ATE1: variants seen among roughly 807,000 people sequenced by gnomAD.
The protein encoded by ATE1 is arginyl-tRNA--protein transferase 1.
Under a neutral mutation model 70.5 loss-of-function variants are expected in ATE1, and 36 were observed. The ratio of observed to expected loss-of-function variants is 0.51; its 90% CI spans 0.39 to 0.67. The LOEUF is 0.67. Ranked by LOEUF, ATE1 falls within the 30% of genes least tolerant of loss-of-function variation. The pLI is 0.00. For missense variants in ATE1, 593 were observed against 629.5 expected, an observed-to-expected ratio of 0.94 and a Z score of 0.62; for synonymous variants, 232 against 219.3, an observed-to-expected ratio of 1.06 and a Z score of -0.51.
At chr10:121,891,244 C>T (rs1298754625) in intron 7 of ATE1, among the ~76,000 whole-genome samples, 3 of 152,054 alleles carry the variant, frequency 2.0e-5, no homozygotes, top group Admixed American at 1.3e-4. Context: ...TTGGGTTGAT[C>T]GGGTATGCCA....
intron 3 of ATE1, 45 bp downstream of exon 3, chr10:121,922,304 A>T (rs1261224517): frequency 1.5e-6 from 2 of 1,328,198 alleles, no homozygotes; most frequent in Admixed American, 3.9e-5. Flanking sequence ...TATTATACAC[A>T]ATCTTCATAC....
At chr10:121,801,561 GAGAA>G (rs1946880122) in intron 10 of ATE1, among the ~76,000 whole-genome samples, 1 of 152,042 alleles carries the variant, frequency 6.6e-6, no homozygotes, top group Non-Finnish European at 1.5e-5. Flanking sequence ...AATATAAAGA[GAGAA>G]AGAAAAACTC....
In ATE1 at chr10:121,818,455, C is replaced by G. The variant is rs560668267; in HGVS notation, c.1257+18263G>C. ...ATTTTATAGCAATTTTTAAAACACT[C>G]TCCAAAAAAAGCAATTTAGAGCAAC... On this transcript the variant is annotated intron_variant, in intron 10 of 11. Coordinates refer to ENST00000224652, the MANE Select transcript of ATE1 (RefSeq NM_001001976.3). 4.6e-5 allele frequency among the ~76,000 whole-genome samples: 7 copies of G among 152,158 alleles called. No individual in the cohort carries two copies. The East Asian group carries it at 1.4e-3, about 29-fold the overall frequency.
Position 121,761,677 on chromosome 10 carries a change from C to T in ATE1, c.1379-17819G>A, listed in dbSNP as rs146491688. ...GGTGCTCTAATCTCTGAAGAGGATC[C>T]CCTTTCCGACCTCCCTAGCCCTGCC... On this transcript the variant is annotated intron_variant, in intron 11 of 11. Coordinates refer to ENST00000224652, the MANE Select transcript of ATE1 (RefSeq NM_001001976.3). Among the ~76,000 whole-genome samples, 200 of 152,186 alleles carry T rather than the reference C, an allele frequency of 1.3e-3. 2 individuals are homozygous for T. The East Asian group carries it at 0.031, about 24-fold the overall frequency.
rs529419194 is a variant in ATE1 at position 121,775,711 on chromosome 10, C to T, written c.1378+14458G>A. ...CCGCCAGCATTAAGAAAGTGGGTCC[C>T]TCCACTGACGGTATCTAGGGTAGTA... is the stretch of plus-strand genomic sequence containing the variant. On this transcript the variant is annotated intron_variant, in intron 11 of 11. Coordinates refer to ENST00000224652, the MANE Select transcript of ATE1 (RefSeq NM_001001976.3). Among the ~76,000 whole-genome samples, 13 of 152,326 alleles carry T rather than the reference C, an allele frequency of 8.5e-5. No individual in the cohort carries two copies. The South Asian group carries it at 2.7e-3, about 32-fold the overall frequency.
At chr10:121,916,227 G>A (rs1590720098) in intron 3 of ATE1, among the ~76,000 whole-genome samples, 1 of 151,498 alleles carries the variant, frequency 6.6e-6, no homozygotes, top group South Asian at 2.1e-4. Flanking sequence ...ACTCTGCCTC[G>A]AAAAACAAAA....
At chr10:121,750,819 G>T (rs1360409851) in intron 11 of ATE1, among the ~76,000 whole-genome samples, 1 of 152,156 alleles carries the variant, frequency 6.6e-6, no homozygotes, top group Non-Finnish European at 1.5e-5. Flanking sequence ...GGAGATAGCT[G>T]GACAAAACTG....
intron 7 of ATE1, among the ~76,000 whole-genome samples, chr10:121,887,332 A>T (rs1381977108): frequency 2.0e-5 from 3 of 152,192 alleles, no homozygotes; most frequent in African/African-American, 7.2e-5. Context: ...AATATAAGAT[A>T]ACTATCCTCA....
intron 11 of ATE1, among the ~76,000 whole-genome samples, chr10:121,764,622 T>G (rs536635050): frequency 2.0e-5 from 3 of 152,204 alleles, no homozygotes; most frequent in Non-Finnish European, 2.9e-5. Context: ...ATAAATTGTA[T>G]GTCTAAATAG....
intron 10 of ATE1, among the ~76,000 whole-genome samples, chr10:121,801,765 C>A (rs1052903692): frequency 3.3e-5 from 5 of 152,036 alleles, no homozygotes; most frequent in African/African-American, 1.2e-4. Flanking sequence ...GCTGAGGCCA[C>A]CCTCACCTAG....
intron 11 of ATE1, among the ~76,000 whole-genome samples, chr10:121,788,437 G>C (rs1946301156): frequency 6.6e-6 from 1 of 152,140 alleles, no homozygotes; most frequent in East Asian, 1.9e-4. Flanking sequence ...CTCGTCATCA[G>C]GTTCTAAGGT....
In ATE1 at chr10:121,745,450, C is replaced by T. The variant is rs147130180; in HGVS notation, c.1379-1592G>A. 3.1e-4 allele frequency among the ~76,000 whole-genome samples: 47 copies of T among 152,334 alleles called. No homozygotes were observed. In the East Asian group the frequency reaches 5.2e-3, roughly 17 times the overall value. On this transcript the variant is annotated intron_variant, in intron 11 of 11. Coordinates refer to ENST00000224652, the MANE Select transcript of ATE1 (RefSeq NM_001001976.3). ...AAGAACCACAGGCGGGGTGCAGTGG[C>T]TCACGCCTGTAATCCCAGCACTTTG...
chr10:121,828,003 CT>C (rs1472835290), intron 10 of ATE1, among the ~76,000 whole-genome samples: 2 of 152,204 alleles, frequency 1.3e-5, no homozygotes, highest in Non-Finnish European at 2.9e-5. Context: ...TGGTTTTCCT[CT>C]TGTAGTGCTC....
chr10:121,907,406 A>G (rs929974927), intron 5 of ATE1, among the ~76,000 whole-genome samples: 6 of 152,108 alleles, frequency 3.9e-5, no homozygotes, highest in East Asian at 1.9e-4. Flanking sequence ...CAGAGGTTGC[A>G]GTGAGCTGAG....
In ATE1 at chr10:121,911,200, A is replaced by G. The variant is rs369709846; in HGVS notation, c.338-49T>C. ...ATCCATCAGCTGGGTTATTTGATAC[A>G]GTTAGGTAAATACAGAAATACAATG... is the stretch of plus-strand genomic sequence containing the variant. On this transcript the variant is annotated intron_variant, in intron 4 of 11. Transcript: ENST00000224652. The G allele has an allele frequency of 1.3e-5, 21 of 1,580,050 alleles. No individual in the cohort carries two copies. In the South Asian group the frequency reaches 2.3e-4, roughly 18 times the overall value.
chr10:121,798,918 G>T (rs1417630644), intron 10 of ATE1, among the ~76,000 whole-genome samples: 1 of 148,702 alleles, frequency 6.7e-6, no homozygotes, highest in Non-Finnish European at 1.5e-5. Context: ...AAAAAAAAAG[G>T]TAATGAAGAC....
At chr10:121,854,209 A>G (rs1313230414) in intron 8 of ATE1, among the ~76,000 whole-genome samples, 1 of 152,192 alleles carries the variant, frequency 6.6e-6, no homozygotes, top group African/African-American at 2.4e-5. Context: ...TACATGGTTT[A>G]CCACCATATA....
intron 6 of ATE1, among the ~76,000 whole-genome samples, chr10:121,900,198 G>A (rs567038920): frequency 1.3e-5 from 2 of 152,094 alleles, no homozygotes; most frequent in African/African-American, 2.4e-5. Context: ...AGAAGAGGAC[G>A]ATCCCCTCTA....
intron 10 of ATE1, among the ~76,000 whole-genome samples, chr10:121,813,735 T>C (rs1029677981): frequency 2.6e-5 from 4 of 152,224 alleles, no homozygotes; most frequent in Admixed American, 6.5e-5. Context: ...AGGTTATTTA[T>C]GTCCCCTCAG....
Sources: allele counts gnomAD v4.1 joint callset (sites outside exome capture counted in the v4.1 genomes callset), GRCh38; gene constraint gnomAD v4.1.1; transcripts MANE v1.5; gene names NCBI Gene and HGNC (gene_info 2026-07-23, HGNC 2026-07-21).